Variants in IMMP2L observed in about 807,000 individuals in gnomAD.
IMMP2L encodes inner mitochondrial membrane peptidase subunit 2.
A neutral mutation model predicts 19.3 loss-of-function variants in IMMP2L; 18 were observed. The ratio of observed to expected loss-of-function variants is 0.93; its 90% confidence interval spans 0.64 to 1.38. IMMP2L has a LOEUF of 1.38. Among genes scored for constraint, IMMP2L ranks in the 40% most tolerant of loss-of-function variants. The pLI is 0.00. For missense variants in IMMP2L, 233 were observed against 218.2 expected (o/e 1.07, Z -0.43); for synonymous variants, 76 against 73.0 (o/e 1.04, Z -0.21).
intron 4 of IMMP2L, among the ~76,000 whole-genome samples, chr7:110,948,180 T>G (rs1053770739): frequency 6.6e-6 from 1 of 152,152 alleles, no homozygotes; most frequent in Non-Finnish European, 1.5e-5. Context: ...TAGAGATACT[T>G]TTTTTAAAAA....
intron 3 of IMMP2L, among the ~76,000 whole-genome samples, chr7:111,351,983 A>G (rs551120644): frequency 1.3e-5 from 2 of 152,302 alleles, no homozygotes; most frequent in African/African-American, 4.8e-5. Context: ...ATCAGTTTCA[A>G]CAGAATGGCA....
chr7:110,781,320 T>C (rs1031574988), intron 5 of IMMP2L, among the ~76,000 whole-genome samples: 1 of 151,874 alleles, frequency 6.6e-6, no homozygotes, highest in Non-Finnish European at 1.5e-5. Context: ...ATTCCCAGCA[T>C]AGTGTGACAT....
chr7:111,286,546 C>T (rs1820505581), intron 3 of IMMP2L, among the ~76,000 whole-genome samples: 1 of 152,028 alleles, frequency 6.6e-6, no homozygotes, highest in South Asian at 2.1e-4. Flanking sequence ...TTACATATTC[C>T]TCAGAAATAT....
intron 3 of IMMP2L, chr7:111,091,230 C>T (rs993796267): frequency 2.6e-5 from 4 of 152,298 alleles, no homozygotes; most frequent in Admixed American, 2.0e-4. Context: ...GATTGAGAGC[C>T]TCAGCCTGCC....
At chr7:111,197,466 A>G (rs561430979) in intron 3 of IMMP2L, among the ~76,000 whole-genome samples, 1 of 152,302 alleles carries the variant, frequency 6.6e-6, no homozygotes, top group African/African-American at 2.4e-5. Flanking sequence ...CCATCTCAAA[A>G]CAAACAGAAG....
Position 111,539,184 on chromosome 7 carries a change from GAA to G in IMMP2L, c.-2-17737_-2-17736del, listed in dbSNP as rs1848211603. Among the ~76,000 whole-genome samples the G allele has an allele frequency of 4.3e-5, 3 of 70,494 alleles. 1 individual carries two copies. Among genetic ancestry groups the G allele is most frequent in the African/African-American group, 2.1e-4 (3 of 14,402 alleles). The allele number at this position is 70,494 out of a possible 152,430, so 46.2% of individuals were successfully genotyped here. Reference sequence around the variant, plus strand: ...GGAAGGAAGGAAGGAAGGAAGGAAGGAAGGAAGGAGGGAGAAAGAAAGAAAGA... The same window carrying G: ...GGAAGGAAGGAAGGAAGGAAGGAAGGGGAAGGAGGGAGAAAGAAAGAAAGA... On this transcript the variant is annotated intron_variant, in intron 1 of 5. Transcript: ENST00000405709.
intron 4 of IMMP2L, among the ~76,000 whole-genome samples, chr7:110,945,432 G>A (rs574793973): frequency 6.6e-6 from 1 of 151,806 alleles, no homozygotes; most frequent in South Asian, 2.1e-4. Flanking sequence ...TACCCACCTC[G>A]CTTGCTTCTT....
intron 1 of IMMP2L, among the ~76,000 whole-genome samples, chr7:111,542,621 G>C (rs563032910): frequency 1.3e-5 from 2 of 152,092 alleles, no homozygotes; most frequent in Non-Finnish European, 2.9e-5. Flanking sequence ...CACAGGGCAC[G>C]ATGAGTTATT....
At chr7:111,334,245 A>T (rs1285315553) in intron 3 of IMMP2L, among the ~76,000 whole-genome samples, 1 of 151,798 alleles carries the variant, frequency 6.6e-6, no homozygotes, top group Non-Finnish European at 1.5e-5. Context: ...AGCCTCTGGT[A>T]ACTACAAATC....
intron 3 of IMMP2L, among the ~76,000 whole-genome samples, chr7:111,441,089 C>A (rs1837664554): frequency 6.6e-6 from 1 of 151,890 alleles, no homozygotes; most frequent in South Asian, 2.1e-4. Flanking sequence ...GTGGCTTAAT[C>A]TTCTGTCCAA....
intron 4 of IMMP2L, among the ~76,000 whole-genome samples, chr7:110,909,511 G>T (rs753969068): frequency 6.6e-6 from 1 of 152,096 alleles, no homozygotes; most frequent in Non-Finnish European, 1.5e-5. Flanking sequence ...GCACGAGAAC[G>T]GTGCTGTGAG....
At chr7:110,739,275 A>G (rs1464817113) in intron 5 of IMMP2L, among the ~76,000 whole-genome samples, 1 of 152,196 alleles carries the variant, frequency 6.6e-6, no homozygotes, top group Non-Finnish European at 1.5e-5. Flanking sequence ...GAATGGCAGA[A>G]TGTATAAGAA....
chr7:110,737,827 G>A (rs375244153), intron 5 of IMMP2L, among the ~76,000 whole-genome samples: 17 of 152,266 alleles, frequency 1.1e-4, no homozygotes, highest in Non-Finnish European at 2.1e-4. Flanking sequence ...CTAACTCCCC[G>A]AGAGCAGGTG....
chr7:110,960,486 C>T (rs1032237355), intron 4 of IMMP2L, among the ~76,000 whole-genome samples: 2 of 151,848 alleles, frequency 1.3e-5, no homozygotes, highest in Admixed American at 1.3e-4. Context: ...GCTTTCTTCA[C>T]CTAGGGTAAT....
chr7:111,164,466 G>A (rs183346164), intron 3 of IMMP2L, among the ~76,000 whole-genome samples: 2 of 152,054 alleles, frequency 1.3e-5, no homozygotes, highest in African/African-American at 4.8e-5. Flanking sequence ...GAAGCACTGG[G>A]TCACTAGGGA....
chr7:110,799,323 C>T (rs1801084406), intron 5 of IMMP2L, among the ~76,000 whole-genome samples: 1 of 151,874 alleles, frequency 6.6e-6, no homozygotes, highest in Non-Finnish European at 1.5e-5. Context: ...GACTCCTTCA[C>T]TAAAACCAAG....
chr7:110,945,204 A>C (rs920836337), intron 4 of IMMP2L, among the ~76,000 whole-genome samples: 2 of 151,970 alleles, frequency 1.3e-5, no homozygotes, highest in Non-Finnish European at 2.9e-5. Flanking sequence ...CCGCATCTGC[A>C]GGGCTCCTGT....
intron 3 of IMMP2L, among the ~76,000 whole-genome samples, chr7:111,408,883 G>A (rs74427698): frequency 6.6e-6 from 1 of 151,596 alleles, no homozygotes; most frequent in Non-Finnish European, 1.5e-5. Flanking sequence ...GAGGAAGGAA[G>A]ATATGTAACT....
intron 3 of IMMP2L, among the ~76,000 whole-genome samples, chr7:111,472,812 T>C (rs1841381759): frequency 6.6e-6 from 1 of 152,054 alleles, no homozygotes; most frequent in African/African-American, 2.4e-5. Context: ...AAAATAGTGC[T>C]ATGCTGAGTG....
Sources: allele counts gnomAD v4.1 joint callset (sites outside exome capture counted in the v4.1 genomes callset), GRCh38; gene constraint gnomAD v4.1.1; transcripts MANE v1.5; gene names NCBI Gene and HGNC (gene_info 2026-07-23, HGNC 2026-07-21).